LYAR: variants seen among roughly 807,000 people sequenced by gnomAD.
LYAR encodes Ly1 antibody reactive.
LYAR carries 37 observed loss-of-function variants against 45.2 expected under a neutral mutation model. The observed-to-expected ratio is 0.82, with a 90% CI of 0.63 to 1.08. The LOEUF (loss-of-function observed/expected upper bound fraction) is 1.08. Ranked by LOEUF, LYAR falls within the 50% of genes least tolerant of loss-of-function variation. The pLI is 0.00. For missense variants in LYAR, 493 were observed against 451.0 expected, an observed-to-expected ratio of 1.09 and a Z score of -0.84; for synonymous variants, 176 against 155.1, an observed-to-expected ratio of 1.14 and a Z score of -1.00.
chr4:4,280,164 C>T (rs1415482545), intron 4 of LYAR, among the ~76,000 whole-genome samples: 1 of 152,170 alleles, frequency 6.6e-6, no homozygotes, highest in Non-Finnish European at 1.5e-5. Flanking sequence ...AAAACAATTC[C>T]ATTTGCAACA....
chr4:4,270,603 G>GA (rs1321841207), intron 8 of LYAR, among the ~76,000 whole-genome samples: 1 of 147,690 alleles, frequency 6.8e-6, no homozygotes, highest in African/African-American at 2.5e-5. Context: ...GAAAATAGGG[G>GA]AAAAAAATTT....
At position 4,283,560 on chromosome 4, in the gene LYAR, C is replaced by G. The variant is rs557252822; in HGVS notation, c.122+61G>C. ...CACTATTTTTCCAAGCTTTGTGGCG[C>G]CAAGGCTTCCAAAACTGATCTGGAT... On this transcript the variant is annotated intron_variant, in intron 3 of 9. Coordinates refer to ENST00000343470, the MANE Select transcript of LYAR (RefSeq NM_017816.3). 7 of 1,546,794 alleles carry G rather than the reference C, an allele frequency of 4.5e-6. No homozygotes were observed. The South Asian group carries it at 8.3e-5, about 18-fold the overall frequency.
intron 6 of LYAR, among the ~76,000 whole-genome samples, chr4:4,275,308 T>C (rs1719134703): frequency 6.6e-6 from 1 of 152,210 alleles, no homozygotes; most frequent in African/African-American, 2.4e-5. Flanking sequence ...GCATAACACA[T>C]GCCCAATAAA....
chr4:4,275,105 G>T (rs1018788815), intron 6 of LYAR, among the ~76,000 whole-genome samples: 7 of 152,172 alleles, frequency 4.6e-5, no homozygotes, highest in African/African-American at 1.7e-4. Flanking sequence ...CTTAGGGGTG[G>T]TAGAAACCAC....
chr4:4,275,283 G>A (rs908984794), intron 6 of LYAR, among the ~76,000 whole-genome samples: 4 of 152,098 alleles, frequency 2.6e-5, no homozygotes, highest in East Asian at 1.9e-4. Context: ...GGAAAGATCC[G>A]TCATGTGCTT....
At chr4:4,286,852 C>T (rs1237708516) in intron 1 of LYAR, among the ~76,000 whole-genome samples, 1 of 151,974 alleles carries the variant, frequency 6.6e-6, no homozygotes, top group Non-Finnish European at 1.5e-5. Flanking sequence ...GGGGTTTCAC[C>T]GTGTTAGCCA....
chr4:4,272,103 T>G (rs1028161788), intron 8 of LYAR, among the ~76,000 whole-genome samples: 1 of 152,130 alleles, frequency 6.6e-6, no homozygotes, highest in Non-Finnish European at 1.5e-5. Context: ...TGGCTGTGGC[T>G]ACAAGAGGGC....
At chr4:4,270,795 G>A (rs1320640562) in intron 8 of LYAR, among the ~76,000 whole-genome samples, 2 of 152,172 alleles carry the variant, frequency 1.3e-5, no homozygotes, top group South Asian at 2.1e-4. Flanking sequence ...TGACCATGAT[G>A]TGGAGAAACT....
chr4:4,276,801 G>T (rs535939553), intron 6 of LYAR, among the ~76,000 whole-genome samples: 33 of 152,134 alleles, frequency 2.2e-4, no homozygotes, highest in African/African-American at 7.7e-4. Flanking sequence ...AGGTTGCTGT[G>T]AGCCAAGATC....
chr4:4,279,349 A>C, intron 6 of LYAR, 98 bp downstream of exon 6: 1 of 833,362 alleles, frequency 1.2e-6, no homozygotes, highest in Non-Finnish European at 1.9e-6. Flanking sequence ...TAAAAATAAA[A>C]AAGAAGGCTG....
chr4:4,285,764 T>C (rs906417089), intron 2 of LYAR, among the ~76,000 whole-genome samples: 5 of 152,070 alleles, frequency 3.3e-5, no homozygotes, highest in Admixed American at 1.3e-4. Context: ...GAGTGGGAGA[T>C]GGGAGGAAGA....
rs779614116 is a variant in LYAR at position 4,268,012 on chromosome 4, C to G, written c.1017G>C (p.Gln339His). Residue 339 changes from glutamine to histidine, a missense_variant, in exon 10 of 10, where the codon CAG becomes CAC. Coordinates refer to ENST00000343470, the MANE Select transcript of LYAR (RefSeq NM_017816.3). ...GATGCTCATCTGTCACTGTGTAGTA[C>G]TGAGCTAAAACCTTCACAAAGAAAA... ...IKKLRKKVLA[Q>H]YYTVTDEHHR... The G allele has an allele frequency of 2.5e-6, 4 of 1,596,280 alleles. No homozygotes were observed. In the East Asian group the frequency reaches 6.8e-5, roughly 27 times the overall value.
chr4:4,271,372 C>G (rs1718924392), intron 8 of LYAR, among the ~76,000 whole-genome samples: 1 of 152,192 alleles, frequency 6.6e-6, no homozygotes, highest in South Asian at 2.1e-4. Context: ...CTGAATAGTA[C>G]TCCGCTGTGT....
chr4:4,289,134 A>T (rs1211904636), intron 1 of LYAR, among the ~76,000 whole-genome samples: 1 of 152,170 alleles, frequency 6.6e-6, no homozygotes, highest in African/African-American at 2.4e-5. Context: ...GGTGACATTC[A>T]CAAGGAGAGA....
At chr4:4,288,906 A>G (rs1719737026) in intron 1 of LYAR, among the ~76,000 whole-genome samples, 1 of 152,288 alleles carries the variant, frequency 6.6e-6, no homozygotes, top group East Asian at 1.9e-4. Flanking sequence ...GATATCCCCC[A>G]CTGAACACTG....
chr4:4,269,294 G>A (rs934969323), intron 8 of LYAR, among the ~76,000 whole-genome samples: 5 of 152,144 alleles, frequency 3.3e-5, no homozygotes, highest in Non-Finnish European at 5.9e-5. Context: ...GCAAAGGACC[G>A]GGAAACGGCA....
intron 1 of LYAR, among the ~76,000 whole-genome samples, chr4:4,287,281 G>C (rs761559524): frequency 3.5e-4 from 54 of 152,302 alleles, no homozygotes; most frequent in Non-Finnish European, 7.1e-4. Flanking sequence ...TCTTGGACTG[G>C]TTGAGAGCAT....
rs149180288 is a variant in LYAR, at chr4:4,274,154, T to C, written c.832+213A>G. Among the ~76,000 whole-genome samples, 832 of 152,072 alleles carry C rather than the reference T, an allele frequency of 5.5e-3. 8 individuals carry two copies. Among genetic ancestry groups the C allele is most frequent in the Middle Eastern group, 0.024 (7 of 294 alleles). On this transcript the variant is annotated intron_variant, in intron 7 of 9. Transcript: ENST00000343470. ...CAGGAGGCTGAGACAGAAGAATCGC[T>C]TGAACCTGGGAGGTGGAGGTTGCAG...
intron 4 of LYAR, among the ~76,000 whole-genome samples, chr4:4,280,787 T>C (rs1482496422): frequency 6.6e-6 from 1 of 152,220 alleles, no homozygotes; most frequent in Non-Finnish European, 1.5e-5. Flanking sequence ...AGTAGTATGC[T>C]CATTCAGTAA....
Sources: allele counts gnomAD v4.1 joint callset (sites outside exome capture counted in the v4.1 genomes callset), GRCh38; gene constraint gnomAD v4.1.1; transcripts MANE v1.5; gene names NCBI Gene and HGNC (gene_info 2026-07-23, HGNC 2026-07-21).